CNTNAP5: variants seen among roughly 807,000 people sequenced by gnomAD.
CNTNAP5 encodes contactin associated protein family member 5.
CNTNAP5 carries 72 observed loss-of-function variants against 150.2 expected under a neutral mutation model. The ratio of observed to expected loss-of-function variants is 0.48; its 90% CI spans 0.40 to 0.58. The LOEUF (loss-of-function observed/expected upper bound fraction) is 0.58. CNTNAP5 is among the 20% of genes least tolerant of loss of function. CNTNAP5 has a pLI of 0.00. For synonymous variants in CNTNAP5, 672 were observed against 619.8 expected (o/e 1.08, Z -1.25); for missense variants, 1,636 against 1,626.2 (o/e 1.01, Z -0.10).
At chr2:124,135,657 C>T (rs535465031) in intron 1 of CNTNAP5, among the ~76,000 whole-genome samples, 1 of 152,266 alleles carries the variant, frequency 6.6e-6, no homozygotes, top group East Asian at 1.9e-4. Flanking sequence ...TAGCTATTTC[C>T]ACTCCTATTC....
At chr2:124,547,776 G>A (rs962914128) in intron 10 of CNTNAP5, among the ~76,000 whole-genome samples, 1 of 152,180 alleles carries the variant, frequency 6.6e-6, no homozygotes, top group African/African-American at 2.4e-5. Flanking sequence ...GCAATTGGCC[G>A]CCACAATTCC....
intron 5 of CNTNAP5, among the ~76,000 whole-genome samples, chr2:124,445,941 A>T (rs757618227): frequency 1.3e-5 from 2 of 152,152 alleles, no homozygotes; most frequent in Non-Finnish European, 2.9e-5. Flanking sequence ...CTTCCATAAA[A>T]TTGAGAGAGA....
At chr2:124,154,817 T>A (rs1222174273) in intron 1 of CNTNAP5, among the ~76,000 whole-genome samples, 1 of 152,050 alleles carries the variant, frequency 6.6e-6, no homozygotes, top group African/African-American at 2.4e-5. Context: ...TTCACTATAA[T>A]CAGATGAGGA....
intron 1 of CNTNAP5, among the ~76,000 whole-genome samples, chr2:124,046,677 T>C (rs539590847): frequency 1.9e-4 from 29 of 152,102 alleles, no homozygotes; most frequent in Non-Finnish European, 3.7e-4. Context: ...GGGTTTTTAA[T>C]GCTAAGGGGA....
rs1315949993 is a variant in CNTNAP5, at chr2:124,440,274, C to A, written c.733+5587C>A. ...GTTGATTCTGATGATCTGATAGAGG[C>A]AGTCATGAGGGAATTCACGTGACTA... On this transcript the variant is annotated intron_variant, in intron 5 of 23. Transcript: ENST00000682447. Among the ~76,000 whole-genome samples the A allele has an allele frequency of 6.6e-5, 10 of 152,228 alleles. No homozygotes were observed. In the East Asian group the frequency reaches 1.9e-3, roughly 29 times the overall value.
At chr2:124,480,771 C>A (rs1317918240) in intron 7 of CNTNAP5, among the ~76,000 whole-genome samples, 1 of 152,192 alleles carries the variant, frequency 6.6e-6, no homozygotes, top group Non-Finnish European at 1.5e-5. Context: ...CATTCCTGCT[C>A]TCTTCTACTT....
intron 13 of CNTNAP5, among the ~76,000 whole-genome samples, chr2:124,675,143 A>T (rs72845076): frequency 0.021 from 3,239 of 152,166 alleles, 44 homozygotes; most frequent in Middle Eastern, 0.038. Context: ...TAGTCGTATA[A>T]ATGTTTATAA....
intron 3 of CNTNAP5, among the ~76,000 whole-genome samples, chr2:124,361,493 G>A (rs927215871): frequency 1.4e-5 from 2 of 145,630 alleles, no homozygotes; most frequent in Non-Finnish European, 3.0e-5. Context: ...TTTCGGTGTG[G>A]ATGTCCTTTC....
chr2:124,181,478 T>G (rs1482682796), intron 1 of CNTNAP5, among the ~76,000 whole-genome samples: 1 of 152,134 alleles, frequency 6.6e-6, no homozygotes, highest in Non-Finnish European at 1.5e-5. Context: ...ATTTTTAAAA[T>G]TATTTCTTTC....
intron 1 of CNTNAP5, among the ~76,000 whole-genome samples, chr2:124,188,528 G>A (rs1250161254): frequency 6.6e-6 from 1 of 151,956 alleles, no homozygotes; most frequent in South Asian, 2.1e-4. Context: ...GACCATCCTG[G>A]TGAACATGGA....
At chr2:124,373,254 G>T (rs1690572433) in intron 3 of CNTNAP5, among the ~76,000 whole-genome samples, 1 of 152,152 alleles carries the variant, frequency 6.6e-6, no homozygotes, top group Admixed American at 6.6e-5. Context: ...TAATCTAAAA[G>T]TAGGTGTTGC....
intron 7 of CNTNAP5, among the ~76,000 whole-genome samples, chr2:124,476,840 C>A (rs2104835675): frequency 6.6e-6 from 1 of 152,176 alleles, no homozygotes; most frequent in East Asian, 1.9e-4. Flanking sequence ...CTATGCTATC[C>A]TTTCCTCATC....
rs142067539 is a variant in CNTNAP5, at chr2:124,731,118, A to C, written c.2078-16111A>C. On this transcript the variant is annotated intron_variant, in intron 13 of 23. Coordinates refer to ENST00000682447, the MANE Select transcript of CNTNAP5 (RefSeq NM_001367498.1). ...AACTTTCTGTCTATGCCTTGCTCAG[A>C]CCTCTAATGAATATTAGACTTGCAG... Among the ~76,000 whole-genome samples, 551 of 152,144 alleles carry C rather than the reference A, an allele frequency of 3.6e-3. 2 individuals are homozygous for C. The highest frequency in any genetic ancestry group is 5.9e-3 in the Non-Finnish European group (401 of 67,992).
intron 6 of CNTNAP5, among the ~76,000 whole-genome samples, chr2:124,462,504 G>A (rs1693277362): frequency 6.6e-6 from 1 of 152,142 alleles, no homozygotes; most frequent in Admixed American, 6.6e-5. Context: ...ATACAAAAAT[G>A]CATTGTTTTC....
intron 1 of CNTNAP5, among the ~76,000 whole-genome samples, chr2:124,150,912 C>T (rs1239113585): frequency 2.6e-5 from 4 of 152,106 alleles, no homozygotes; most frequent in Admixed American, 2.6e-4. Context: ...TGAAGAGTAG[C>T]GTGTGCTTTT....
chr2:124,196,185 A>G (rs2104702042), intron 1 of CNTNAP5, among the ~76,000 whole-genome samples: 1 of 152,276 alleles, frequency 6.6e-6, no homozygotes, highest in South Asian at 2.1e-4. Context: ...TCTGATGAAG[A>G]AGAAATGGAG....
chr2:124,130,243 G>C (rs1683813479), intron 1 of CNTNAP5, among the ~76,000 whole-genome samples: 1 of 151,828 alleles, frequency 6.6e-6, no homozygotes, highest in Admixed American at 6.6e-5. Flanking sequence ...TGGCTTCAAA[G>C]TACTAACTCT....
At chr2:124,267,052 T>C (rs1687625544) in intron 3 of CNTNAP5, among the ~76,000 whole-genome samples, 2 of 152,008 alleles carry the variant, frequency 1.3e-5, no homozygotes. Flanking sequence ...CATTATCTGA[T>C]CTATCTCTCC....
intron 12 of CNTNAP5, among the ~76,000 whole-genome samples, chr2:124,624,791 G>A (rs965335409): frequency 6.6e-6 from 1 of 152,196 alleles, no homozygotes; most frequent in Admixed American, 6.5e-5. Flanking sequence ...GAGGCTGGGG[G>A]TGGTGGGCAG....
Sources: allele counts gnomAD v4.1 joint callset (sites outside exome capture counted in the v4.1 genomes callset), GRCh38; gene constraint gnomAD v4.1.1; transcripts MANE v1.5; gene names NCBI Gene and HGNC (gene_info 2026-07-23, HGNC 2026-07-21).